Variants in SVEP1 observed in about 807,000 individuals in gnomAD.
SVEP1 encodes sushi, von Willebrand factor type A, EGF and pentraxin domain containing 1.
SVEP1 carries 164 observed loss-of-function variants against 367.3 expected under a neutral mutation model. That is an observed-to-expected ratio of 0.45 (90% CI 0.39 to 0.51). The LOEUF (loss-of-function observed/expected upper bound fraction) is 0.51. SVEP1 is among the 20% of genes least tolerant of loss of function. The probability of loss-of-function intolerance (pLI) is 0.00; values close to 1 mark genes in which losing one functional copy is unlikely to be tolerated. For missense variants in SVEP1, 4,117 were observed against 4,425.3 expected, an observed-to-expected ratio of 0.93 and a Z score of 1.98; for synonymous variants, 1,666 against 1,611.6, an observed-to-expected ratio of 1.03 and a Z score of -0.81.
chr9:110,544,133 A>G (rs1484940915), intron 3 of SVEP1, among the ~76,000 whole-genome samples: 1 of 152,148 alleles, frequency 6.6e-6, no homozygotes, highest in Admixed American at 6.5e-5. Flanking sequence ...GAAATGTCCC[A>G]AGAGAAGGAA....
intron 1 of SVEP1, among the ~76,000 whole-genome samples, chr9:110,558,548 G>A (rs564807403): frequency 6.7e-6 from 1 of 150,162 alleles, no homozygotes; most frequent in South Asian, 2.1e-4. Flanking sequence ...ATAAAATGGT[G>A]CTTGTATTAC....
chr9:110,406,798 A>C lies in SVEP1; in HGVS notation c.8802T>G (p.Asp2934Glu). 1.2e-6 allele frequency: 2 copies of C among 1,614,068 alleles called. No homozygotes were observed. Among genetic ancestry groups the C allele is most frequent in the East Asian group, 2.2e-5 (1 of 44,890 alleles). The change falls in exon 38 of 48, where the codon GAT becomes GAG. Residue 2934 changes from aspartate to glutamate, a missense_variant. By Grantham distance (45) the Asp-to-Glu change is conservative. Transcript: ENST00000374469. The part of the protein sequence containing the change: ...HGAPKLTCQS[D>E]GNWDAEIPLC... ...GAGGAATCTCTGCATCCCAGTTGCC[A>C]TCTGACTGACAGGTGAGTTTTGGAG...
intron 1 of SVEP1, among the ~76,000 whole-genome samples, chr9:110,576,373 C>A (rs1348787763): frequency 1.3e-5 from 2 of 152,016 alleles, no homozygotes; most frequent in Non-Finnish European, 2.9e-5. Context: ...AGTCAAATTA[C>A]AAGAGGATGT....
chr9:110,554,553 G>A (rs2118860432), intron 1 of SVEP1, among the ~76,000 whole-genome samples: 1 of 152,266 alleles, frequency 6.6e-6, no homozygotes, highest in South Asian at 2.1e-4. Flanking sequence ...TCTCATGTCA[G>A]AAAACAAAGA....
Position 110,555,791 on chromosome 9 carries a change from G to A in SVEP1, c.532-5687C>T, listed in dbSNP as rs1242672142. Among the ~76,000 whole-genome samples the A allele has an allele frequency of 5.3e-5, 8 of 152,220 alleles. No homozygotes were observed. In the East Asian group the frequency reaches 1.5e-3, roughly 29 times the overall value. On this transcript the variant is annotated intron_variant, in intron 1 of 47. Coordinates refer to ENST00000374469, the MANE Select transcript of SVEP1 (RefSeq NM_153366.4). ...CTTTAAGGATAGAGGAGGGGTGGGG[G>A]ATTTACTGAAAATAATTTACCCCTC...
chr9:110,379,469 C>A lies in SVEP1; in HGVS notation c.10286G>T (p.Gly3429Val), dbSNP rs1318002593. The part of the protein sequence containing the change: ...PAHVENAIAR[G>V]VHYQYGDMIT... ...CATGTCTCCATATTGATAATGTACGCCTCGAGCAATTGCATTTTCTACGTG... is the reference window on the plus strand; with the variant it reads ...CATGTCTCCATATTGATAATGTACGACTCGAGCAATTGCATTTTCTACGTG... The change falls in exon 44 of 48, where the codon GGC becomes GTC. Residue 3429 changes from glycine (G) to valine (V), a missense_variant. Gly to Val is a moderately radical substitution (Grantham distance 109). Transcript: ENST00000374469. The A allele has an allele frequency of 6.2e-7, 1 of 1,613,656 alleles. No homozygotes were observed.
intron 5 of SVEP1, among the ~76,000 whole-genome samples, chr9:110,510,107 A>C (rs1473452150): frequency 6.6e-6 from 1 of 152,180 alleles, no homozygotes; most frequent in Non-Finnish European, 1.5e-5. Flanking sequence ...GCTTGCCTCC[A>C]TTCCACGTCC....
At chr9:110,500,031 T>C (rs1313196380) in intron 6 of SVEP1, among the ~76,000 whole-genome samples, 1 of 152,236 alleles carries the variant, frequency 6.6e-6, no homozygotes, top group Non-Finnish European at 1.5e-5. Context: ...GTAAGAAGTA[T>C]TCCAACTTAC....
chr9:110,468,793 G>A, intron 17 of SVEP1, 147 bp downstream of exon 17: 2 of 708,530 alleles, frequency 2.8e-6, no homozygotes, highest in Non-Finnish European at 4.4e-6. Context: ...GAATAAATGT[G>A]TATGCTTTTC....
chr9:110,495,562 T>C (rs1205190293), intron 8 of SVEP1, among the ~76,000 whole-genome samples: 1 of 152,188 alleles, frequency 6.6e-6, no homozygotes, highest in Non-Finnish European at 1.5e-5. Context: ...TGTAAGTATA[T>C]TCAACACAAT....
chr9:110,461,913 A>C (rs1258033572), intron 18 of SVEP1, among the ~76,000 whole-genome samples: 4 of 152,212 alleles, frequency 2.6e-5, no homozygotes, highest in Non-Finnish European at 5.9e-5. Context: ...TGTTATTCGC[A>C]CAAACTGTAA....
intron 11 of SVEP1, among the ~76,000 whole-genome samples, chr9:110,481,784 C>G (rs1035979354): frequency 6.6e-6 from 1 of 152,138 alleles, no homozygotes; most frequent in Non-Finnish European, 1.5e-5. Flanking sequence ...GCTATCTCGA[C>G]TCACTGCAGC....
intron 25 of SVEP1, 46 bp downstream of exon 25, chr9:110,446,854 T>G (rs967065122): frequency 7.0e-7 from 1 of 1,429,578 alleles, no homozygotes; most frequent in Admixed American, 2.7e-5. Flanking sequence ...TGTTATTATA[T>G]TACTATTGTT....
Position 110,389,554 on chromosome 9 carries a change from G to C in SVEP1, c.9856C>G (p.Gln3286Glu). Residue 3286 changes from glutamine to glutamate, a missense_variant, in exon 41 of 48, where the codon CAG (glutamine) becomes GAG (glutamate). By Grantham distance (29) the Gln-to-Glu change is conservative. Around this residue, in one of 4 missense-constraint regions of SVEP1, gnomAD observed 1,765 missense variants for 1,781.1 expected, o/e 0.99. Coordinates refer to ENST00000374469, the MANE Select transcript of SVEP1 (RefSeq NM_153366.4). ...CATATTGCCACCCCTCCACTCCACT[G>C]TCTGTTCTCCTGGCAGACACGTTCC... Reference protein sequence around the residue: ...NRERVCQENRQWSGGVAICKE... With the variant: ...NRERVCQENREWSGGVAICKE... The C allele has an allele frequency of 1.2e-6, 2 of 1,613,710 alleles. No individual in the cohort carries two copies. Among genetic ancestry groups the C allele is most frequent in the South Asian group, 1.1e-5 (1 of 91,056 alleles).
At chr9:110,544,095 T>C (rs886102354) in intron 3 of SVEP1, among the ~76,000 whole-genome samples, 1 of 147,060 alleles carries the variant, frequency 6.8e-6, no homozygotes, top group Non-Finnish European at 1.5e-5. Context: ...GGAAAGGAGA[T>C]GAGAGGAGTA....
In SVEP1 at chr9:110,385,852, A is replaced by G. The variant is rs1043634000; in HGVS notation, c.10237+46T>C. On this transcript the variant is annotated intron_variant, in intron 43 of 47. Transcript: ENST00000374469. ...AAAACAACCTCACAGGGATGGGAAAACATTTCGCACTAGCGGCATGAACTG... is the reference window on the plus strand; with the variant it reads ...AAAACAACCTCACAGGGATGGGAAAGCATTTCGCACTAGCGGCATGAACTG... 17 of 1,575,934 alleles carry G rather than the reference A, an allele frequency of 1.1e-5. No individual in the cohort carries two copies. In the African/African-American group the frequency reaches 1.9e-4, roughly 18 times the overall value.
chr9:110,499,189 G>A lies in SVEP1; in HGVS notation c.1533C>T (p.Pro511=), dbSNP rs1312079488. 3 of 1,613,434 alleles carry A rather than the reference G, an allele frequency of 1.9e-6. No individual in the cohort carries two copies. In the Admixed American group the frequency reaches 5.0e-5, roughly 27 times the overall value. The part of the protein sequence containing the change: ...FQMPKDVIIS[P]HNCGKQPAKF... Reference sequence around the variant, plus strand: ...TGGCTGGCTGCTTGCCACAGTTGTGGGGGGATATGATGACATCTTTGGGCA... The same window carrying A: ...TGGCTGGCTGCTTGCCACAGTTGTGAGGGGATATGATGACATCTTTGGGCA... The change falls in exon 7 of 48, where the codon CCC becomes CCT. Residue 511 remains proline, a synonymous_variant. Transcript: ENST00000374469.
At position 110,373,435 on chromosome 9, in the gene SVEP1, T is replaced by C. The variant is rs115192617; in HGVS notation, c.10600+1933A>G. 8.5e-3 allele frequency among the ~76,000 whole-genome samples: 1,297 copies of C among 152,242 alleles called. 17 individuals carry two copies. Among genetic ancestry groups the C allele is most frequent in the African/African-American group, 0.03 (1,235 of 41,516 alleles). ...AGTGCCTCTTTTACTCTCAAAAATGTCCTGGTTTGGAAGCTAAATTATATG... is the reference window on the plus strand; with the variant it reads ...AGTGCCTCTTTTACTCTCAAAAATGCCCTGGTTTGGAAGCTAAATTATATG... On this transcript the variant is annotated intron_variant, in intron 46 of 47. Transcript: ENST00000374469.
At chr9:110,561,405 T>G (rs960602011) in intron 1 of SVEP1, among the ~76,000 whole-genome samples, 5 of 152,220 alleles carry the variant, frequency 3.3e-5, no homozygotes, top group Non-Finnish European at 7.3e-5. Context: ...GGCAAGATAC[T>G]CTATGGCAGG....
Sources: allele counts gnomAD v4.1 joint callset (sites outside exome capture counted in the v4.1 genomes callset), GRCh38; gene constraint gnomAD v4.1.1; regional missense constraint gnomAD v4.1.1; transcripts MANE v1.5; gene names NCBI Gene and HGNC (gene_info 2026-07-23, HGNC 2026-07-21).